The following BNC2 variants were observed in gnomAD, a reference collection of about 807,000 sequenced individuals.
BNC2 encodes the protein zinc finger protein basonuclin-2.
Under a neutral mutation model 76.3 loss-of-function variants are expected in BNC2, and 20 were observed. The observed-to-expected ratio is 0.26, with a 90% CI of 0.18 to 0.38. BNC2 has a LOEUF of 0.38. BNC2 is among the 10% of genes least tolerant of loss of function. The probability of loss-of-function intolerance (pLI) is 1.00; values close to 1 mark genes in which losing one functional copy is unlikely to be tolerated. For synonymous variants in BNC2, 582 were observed against 514.8 expected, an observed-to-expected ratio of 1.13 and a Z score of -1.77; for missense variants, 1,382 against 1,399.8, an observed-to-expected ratio of 0.99 and a Z score of 0.20.
chr9:16,434,892 T>C (rs544245954), intron 6 of BNC2: 24 of 463,360 alleles, frequency 5.2e-5, no homozygotes, highest in South Asian at 3.7e-4. Context: ...GAAGTTAAGA[T>C]AAAGAAACCC....
chr9:16,725,217 TCACACACA>T (rs4007689), intron 3 of BNC2, among the ~76,000 whole-genome samples: 5 of 148,160 alleles, frequency 3.4e-5, no homozygotes, highest in South Asian at 4.3e-4. Flanking sequence ...TCTCTCTCTC[TCACACACA>T]CACACACACA....
chr9:16,574,670 C>T (rs922288313), intron 4 of BNC2, among the ~76,000 whole-genome samples: 4 of 151,952 alleles, frequency 2.6e-5, no homozygotes, highest in Admixed American at 2.0e-4. Flanking sequence ...ATTCCACATT[C>T]GTACCTTAAG....
chr9:16,529,550 T>G (rs1219423783), intron 5 of BNC2, among the ~76,000 whole-genome samples: 3 of 152,216 alleles, frequency 2.0e-5, no homozygotes. Context: ...TGATATATTT[T>G]GACATCTTCC....
At chr9:16,820,260 T>C (rs1241779892) in intron 1 of BNC2, among the ~76,000 whole-genome samples, 1 of 150,530 alleles carries the variant, frequency 6.6e-6, no homozygotes, top group African/African-American at 2.5e-5. Flanking sequence ...ACCCCGTCTC[T>C]ACCAAATATA....
At chr9:16,492,009 T>G (rs1822289112) in intron 5 of BNC2, among the ~76,000 whole-genome samples, 2 of 152,218 alleles carry the variant, frequency 1.3e-5, no homozygotes, top group South Asian at 4.1e-4. Flanking sequence ...AACCGTTTCA[T>G]CTACAAATAC....
chr9:16,745,406 G>C (rs573348040), intron 1 of BNC2, among the ~76,000 whole-genome samples: 1 of 152,302 alleles, frequency 6.6e-6, no homozygotes, highest in South Asian at 2.1e-4. Context: ...GGAATGGGCA[G>C]GGAGAGGCAA....
At chr9:16,558,441 G>A (rs761690276) in intron 4 of BNC2, among the ~76,000 whole-genome samples, 6 of 152,150 alleles carry the variant, frequency 3.9e-5, no homozygotes, top group Non-Finnish European at 7.3e-5. Context: ...AGATTTGGCA[G>A]TGCTTTGAGG....
chr9:16,445,001 T>G (rs1432190171), intron 5 of BNC2, among the ~76,000 whole-genome samples: 4 of 152,168 alleles, frequency 2.6e-5, no homozygotes, highest in Admixed American at 1.3e-4. Context: ...TTCCAAAGTG[T>G]GCATGGATCA....
intron 3 of BNC2, chr9:16,685,748 G>A (rs1822958895): frequency 2.0e-6 from 1 of 487,926 alleles, no homozygotes; most frequent in Non-Finnish European, 3.8e-6. Context: ...AGGTCATCAT[G>A]GCTTGACATG....
chr9:16,410,656 A>G lies in BNC2; in HGVS notation c.*8333T>C, dbSNP rs993199635. The stretch of plus-strand genomic sequence containing the variant: ...ACAGGGTAGAACACGTTTCCAAAGC[A>G]ATTAAAACCAAGATGAGGGAGGGCG... On this transcript the variant is annotated 3_prime_UTR_variant, in exon 7 of 7. Transcript: ENST00000380672. The G allele has an allele frequency of 6.6e-6, 1 of 152,542 alleles. No individual in the cohort carries two copies. Among genetic ancestry groups the G allele is most frequent in the Non-Finnish European group, 1.5e-5 (1 of 68,038 alleles). The allele number at this position is 152,542 out of a possible 1,614,324, so 9.4% of individuals were successfully genotyped here.
intron 1 of BNC2, among the ~76,000 whole-genome samples, chr9:16,812,908 T>G (rs1818087399): frequency 6.6e-6 from 1 of 152,116 alleles, no homozygotes; most frequent in Non-Finnish European, 1.5e-5. Context: ...ATATAAATTT[T>G]CAAAATAGAA....
chr9:16,682,550 G>A lies in BNC2; in HGVS notation c.330+45247C>T, dbSNP rs139501423. Among the ~76,000 whole-genome samples, 263 of 152,148 alleles carry A rather than the reference G, an allele frequency of 1.7e-3. 2 individuals carry two copies. Among genetic ancestry groups the A allele is most frequent in the Middle Eastern group, 0.017 (5 of 294 alleles). ...CAATGCAGACCAGAGAGCAGCCACA[G>A]TTGTTCATTAATTACAGGAAGCACC... is the stretch of plus-strand genomic sequence containing the variant. On this transcript the variant is annotated intron_variant, in intron 3 of 6. Coordinates refer to ENST00000380672, the MANE Select transcript of BNC2 (RefSeq NM_017637.6).
rs117625777 is a variant in BNC2, at chr9:16,865,744, T to A, written c.3+4902A>T. On this transcript the variant is annotated intron_variant, in intron 1 of 6. Transcript: ENST00000380672. Reference sequence around the variant, plus strand: ...TTTTAAAGGAAAAAAGTTATGACGATAGCAAAAACTTAAAGAATGATATAT... The same window carrying A: ...TTTTAAAGGAAAAAAGTTATGACGAAAGCAAAAACTTAAAGAATGATATAT... 3.9e-5 allele frequency among the ~76,000 whole-genome samples: 6 copies of A among 152,278 alleles called. No individual in the cohort carries two copies. In the East Asian group the frequency reaches 1.2e-3, roughly 29 times the overall value.
intron 1 of BNC2, among the ~76,000 whole-genome samples, chr9:16,796,836 CATTT>C (rs903293689): frequency 3.3e-5 from 5 of 152,120 alleles, no homozygotes; most frequent in African/African-American, 7.2e-5. Context: ...TGCTAACTAC[CATTT>C]ATTTATCTTC....
chr9:16,719,319 T>C (rs760595960), intron 3 of BNC2, among the ~76,000 whole-genome samples: 1 of 152,216 alleles, frequency 6.6e-6, no homozygotes, highest in African/African-American at 2.4e-5. Context: ...AATGAAATTC[T>C]TCTTGATTTA....
At chr9:16,830,704 T>TC (rs1818560243) in intron 1 of BNC2, among the ~76,000 whole-genome samples, 1 of 152,182 alleles carries the variant, frequency 6.6e-6, no homozygotes, top group African/African-American at 2.4e-5. Context: ...TTGATAAAAC[T>TC]CATTTAGTGA....
chr9:16,526,812 A>G (rs1180730101), intron 5 of BNC2, among the ~76,000 whole-genome samples: 1 of 152,232 alleles, frequency 6.6e-6, no homozygotes, highest in African/African-American at 2.4e-5. Context: ...ACGTGGATAT[A>G]GCAAACAACA....
intron 3 of BNC2, among the ~76,000 whole-genome samples, chr9:16,634,733 C>A (rs1052626439): frequency 6.6e-6 from 1 of 152,056 alleles, no homozygotes; most frequent in African/African-American, 2.4e-5. Flanking sequence ...GATCTCCTGA[C>A]CTTGTGATCT....
chr9:16,696,512 G>C (rs10738446), intron 3 of BNC2, among the ~76,000 whole-genome samples: 91,011 of 151,836 alleles, frequency 0.6, 30,996 homozygotes, highest in Non-Finnish European at 0.79. Context: ...GGATCTCATC[G>C]TCCCAAGTGC....
Sources: gnomAD v4.1 joint callset for allele counts (sites outside exome capture counted in the v4.1 genomes callset) on GRCh38, gnomAD v4.1.1 for gene constraint, MANE v1.5 for transcripts, NCBI Gene and HGNC (gene_info 2026-07-23, HGNC 2026-07-21) for gene names.